Variants in TOX observed in about 807,000 individuals in gnomAD.
TOX encodes the protein thymocyte selection associated high mobility group box.
Under a neutral mutation model 53.7 loss-of-function variants are expected in TOX, and 11 were observed. That is an observed-to-expected ratio of 0.20 (90% CI 0.13 to 0.34). The LOEUF is 0.34. TOX is among the 10% of genes least tolerant of loss of function. The pLI, the probability that TOX is intolerant of heterozygous loss-of-function variation, is 1.00. For missense variants in TOX, 570 were observed against 664.6 expected (o/e 0.86, Z 1.56); for synonymous variants, 225 against 245.3 (o/e 0.92, Z 0.77).
chr8:58,969,573 A>G (rs1347168132), intron 1 of TOX, among the ~76,000 whole-genome samples: 1 of 152,192 alleles, frequency 6.6e-6, no homozygotes, highest in African/African-American at 2.4e-5. Flanking sequence ...TGAAGATTAT[A>G]GAATAATTTT....
Position 58,848,341 on chromosome 8 carries a change from G to A in TOX, c.693+3183C>T, listed in dbSNP as rs186526884. 6.1e-3 allele frequency among the ~76,000 whole-genome samples: 921 copies of A among 151,870 alleles called. 3 individuals are homozygous for A. Among genetic ancestry groups the A allele is most frequent in the Non-Finnish European group, 0.011 (733 of 67,880 alleles). ...AAAAAAAGAAACATAAAATATTTGTGGCATAAACAGAAAGTAACATACTTA... is the reference window on the plus strand; with the variant it reads ...AAAAAAAGAAACATAAAATATTTGTAGCATAAACAGAAAGTAACATACTTA... On this transcript the variant is annotated intron_variant, in intron 4 of 8. Transcript: ENST00000361421.
At chr8:58,965,894 G>GTTTT (rs67045037) in intron 1 of TOX, among the ~76,000 whole-genome samples, 845 of 49,570 alleles carry the variant, frequency 0.017, 221 homozygotes, top group East Asian at 0.028. Flanking sequence ...ACGAGTCATC[G>GTTTT]TTTTTTTTTT....
At chr8:58,830,078 AG>A (rs1428690201) in intron 5 of TOX, among the ~76,000 whole-genome samples, 1 of 152,182 alleles carries the variant, frequency 6.6e-6, no homozygotes, top group East Asian at 1.9e-4. Flanking sequence ...AATATTTTAA[AG>A]GTATGTGATT....
chr8:58,885,138 A>G (rs904897224), intron 3 of TOX, among the ~76,000 whole-genome samples: 2 of 152,162 alleles, frequency 1.3e-5, no homozygotes, highest in African/African-American at 4.8e-5. Flanking sequence ...CAACATTACA[A>G]TAGATTAATG....
intron 1 of TOX, among the ~76,000 whole-genome samples, chr8:59,098,266 C>T (rs1034030043): frequency 1.3e-5 from 2 of 152,120 alleles, no homozygotes; most frequent in African/African-American, 4.8e-5. Flanking sequence ...AAAGCATTGA[C>T]CTATGAATTC....
At chr8:58,919,036 C>T (rs2129174543) in intron 3 of TOX, among the ~76,000 whole-genome samples, 1 of 144,464 alleles carries the variant, frequency 6.9e-6, no homozygotes, top group Non-Finnish European at 1.5e-5. Context: ...CTACAAACCA[C>T]TGCTCAAGGA....
rs189206268 is a variant in TOX at position 59,035,145 on chromosome 8, A to G, written c.103-75137T>C. On this transcript the variant is annotated intron_variant, in intron 1 of 8. Transcript: ENST00000361421. ...ACTTTCACAGAATGTTACCATGCTC[A>G]TTAGCCTACTCTGGTACTAAATTTG... Among the ~76,000 whole-genome samples the G allele has an allele frequency of 3.5e-3, 529 of 152,328 alleles. 3 individuals carry two copies. Among genetic ancestry groups the G allele is most frequent in the African/African-American group, 0.012 (499 of 41,574 alleles).
rs550381049 is a variant in TOX, at chr8:59,051,742, G to A, written c.102+67144C>T. On this transcript the variant is annotated intron_variant, in intron 1 of 8. Coordinates refer to ENST00000361421, the MANE Select transcript of TOX (RefSeq NM_014729.3). ...TGCTTTAAAAATACCTGTTGGATGG[G>A]GACTGAGTGTTTACACTTCTCACTG... 6.6e-5 allele frequency among the ~76,000 whole-genome samples: 10 copies of A among 152,168 alleles called. No individual in the cohort carries two copies. In the South Asian group the frequency reaches 2.1e-3, roughly 32 times the overall value.
chr8:58,910,070 C>A (rs1247813342), intron 3 of TOX, among the ~76,000 whole-genome samples: 1 of 152,014 alleles, frequency 6.6e-6, no homozygotes, highest in African/African-American at 2.4e-5. Flanking sequence ...CCACAGAGAC[C>A]AATTTGGCAT....
intron 1 of TOX, among the ~76,000 whole-genome samples, chr8:59,099,798 A>G (rs1368173514): frequency 3.3e-5 from 5 of 152,234 alleles, no homozygotes; most frequent in Non-Finnish European, 7.3e-5. Context: ...GTGAAATGAA[A>G]TGATAAAGAA....
At chr8:58,889,100 C>T (rs1258855344) in intron 3 of TOX, among the ~76,000 whole-genome samples, 1 of 150,654 alleles carries the variant, frequency 6.6e-6, no homozygotes, top group African/African-American at 2.4e-5. Flanking sequence ...TTTGGCATAT[C>T]TATTAAAATT....
At chr8:58,864,518 C>G (rs757707793) in intron 3 of TOX, among the ~76,000 whole-genome samples, 14 of 152,108 alleles carry the variant, frequency 9.2e-5, no homozygotes, top group Non-Finnish European at 1.9e-4. Context: ...TTCATTGGGT[C>G]CTAAAAAACA....
chr8:58,998,191 C>CA (rs199836214), intron 1 of TOX, among the ~76,000 whole-genome samples: 38 of 148,980 alleles, frequency 2.6e-4, no homozygotes, highest in African/African-American at 6.2e-4. Context: ...AGCCTTAATT[C>CA]AAAAAAAAAT....
intron 1 of TOX, among the ~76,000 whole-genome samples, chr8:58,997,201 A>G (rs530110184): frequency 1.3e-5 from 2 of 152,326 alleles, no homozygotes; most frequent in East Asian, 3.9e-4. Flanking sequence ...GTAGCAGTCT[A>G]TGAGGAAAGG....
intron 1 of TOX, among the ~76,000 whole-genome samples, chr8:59,007,098 A>G (rs1024994306): frequency 2.6e-5 from 4 of 152,208 alleles, no homozygotes; most frequent in African/African-American, 4.8e-5. Flanking sequence ...TCTGTGCCTA[A>G]CAATAGTGTA....
intron 1 of TOX, among the ~76,000 whole-genome samples, chr8:59,046,073 T>C (rs528635897): frequency 2.0e-4 from 30 of 152,290 alleles, no homozygotes; most frequent in African/African-American, 6.5e-4. Context: ...CTGTGTGTAA[T>C]GACTTTTAGG....
chr8:58,960,016 T>C lies in TOX; in HGVS notation c.103-8A>G, dbSNP rs745354691. On this transcript the variant is annotated splice_polypyrimidine_tract_variant and splice_region_variant and intron_variant, in intron 1 of 8. Coordinates refer to ENST00000361421, the MANE Select transcript of TOX (RefSeq NM_014729.3). ...CATGTTCTCACCGTCAAACTGCGAA[T>C]GAAATAATAGTAAACATTCAGCAAT... 8.1e-6 allele frequency: 13 copies of C among 1,614,144 alleles called. No homozygotes were observed. The highest frequency in any genetic ancestry group is 1.1e-5 in the Non-Finnish European group (13 of 1,179,984).
chr8:59,043,733 C>A (rs1355900323), intron 1 of TOX, among the ~76,000 whole-genome samples: 1 of 152,190 alleles, frequency 6.6e-6, no homozygotes, highest in Non-Finnish European at 1.5e-5. Flanking sequence ...GCCAGAAATG[C>A]GAGATGGATG....
chr8:58,846,809 G>C (rs570227220), intron 4 of TOX, among the ~76,000 whole-genome samples: 2 of 152,282 alleles, frequency 1.3e-5, no homozygotes, highest in African/African-American at 4.8e-5. Flanking sequence ...CCAAAAGCAA[G>C]ATGTGTAATG....
Sources: allele counts gnomAD v4.1 joint callset (sites outside exome capture counted in the v4.1 genomes callset), GRCh38; gene constraint gnomAD v4.1.1; transcripts MANE v1.5; gene names NCBI Gene and HGNC (gene_info 2026-07-23, HGNC 2026-07-21).